The following SLC22A23 variants were observed in gnomAD, a reference collection of about 807,000 sequenced individuals.
SLC22A23 encodes solute carrier family 22 member 23, also known as ion transporter protein.
Under a neutral mutation model 61.0 loss-of-function variants are expected in SLC22A23, and 26 were observed. The observed-to-expected ratio is 0.43, with a 90% CI of 0.31 to 0.59. The LOEUF is 0.59. SLC22A23 is among the 20% of genes least tolerant of loss of function. The pLI is 0.11. For synonymous variants in SLC22A23, 430 were observed against 413.9 expected (o/e 1.04, Z -0.47); for missense variants, 796 against 934.7 (o/e 0.85, Z 1.94).
intron 4 of SLC22A23, among the ~76,000 whole-genome samples, chr6:3,305,044 C>A (rs189872741): frequency 2.3e-4 from 35 of 152,204 alleles, no homozygotes; most frequent in African/African-American, 8.4e-4. Flanking sequence ...AGCTACATGA[C>A]CATCTCCACT....
intron 3 of SLC22A23, among the ~76,000 whole-genome samples, chr6:3,384,109 A>G (rs926228030): frequency 2.0e-5 from 3 of 152,258 alleles, no homozygotes; most frequent in African/African-American, 7.2e-5. Context: ...TCATTATCAT[A>G]GCAGATGCTT....
chr6:3,368,399 G>A (rs1334828119), intron 3 of SLC22A23, among the ~76,000 whole-genome samples: 1 of 152,202 alleles, frequency 6.6e-6, no homozygotes, highest in Admixed American at 6.5e-5. Context: ...GAAACTCTAT[G>A]CATGTGTGCA....
At chr6:3,411,951 C>T (rs1233423583) in intron 2 of SLC22A23, among the ~76,000 whole-genome samples, 1 of 152,196 alleles carries the variant, frequency 6.6e-6, no homozygotes, top group African/African-American at 2.4e-5. Flanking sequence ...TTTAGTCATT[C>T]TCCTAAAATG....
At chr6:3,368,815 C>T (rs566685576) in intron 3 of SLC22A23, among the ~76,000 whole-genome samples, 7 of 152,228 alleles carry the variant, frequency 4.6e-5, no homozygotes, top group East Asian at 3.9e-4. Flanking sequence ...CAGGCAGCGG[C>T]GTCCTCTTTC....
chr6:3,321,194 C>T (rs1762926811), intron 4 of SLC22A23, among the ~76,000 whole-genome samples: 1 of 152,218 alleles, frequency 6.6e-6, no homozygotes, highest in African/African-American at 2.4e-5. Context: ...AAAACAACCC[C>T]ATGAAATAAG....
At chr6:3,299,158 G>A (rs1270045784) in intron 4 of SLC22A23, among the ~76,000 whole-genome samples, 2 of 152,202 alleles carry the variant, frequency 1.3e-5, no homozygotes, top group Non-Finnish European at 2.9e-5. Flanking sequence ...TTTAACAAAT[G>A]TAACAGAGTA....
At chr6:3,287,447 C>T (rs4613858) in intron 6 of SLC22A23, among the ~76,000 whole-genome samples, 97,927 of 151,940 alleles carry the variant, frequency 0.64, 37,712 homozygotes, top group Non-Finnish European at 0.86. Flanking sequence ...AACCCAGGGC[C>T]GCAATCCAAC....
At chr6:3,284,848 G>C in intron 8 of SLC22A23, 4 of 1,487,572 alleles carry the variant, frequency 2.7e-6, no homozygotes, top group Admixed American at 2.0e-5. Flanking sequence ...GGGGGCATGC[G>C]TGCCAAGCAG....
intron 1 of SLC22A23, among the ~76,000 whole-genome samples, chr6:3,447,338 G>T (rs1413602072): frequency 6.6e-6 from 1 of 152,128 alleles, no homozygotes; most frequent in East Asian, 1.9e-4. Context: ...AGTCTGTCTA[G>T]GTCAGGGTTT....
chr6:3,339,175 C>T (rs959884062), intron 3 of SLC22A23, among the ~76,000 whole-genome samples: 4 of 152,174 alleles, frequency 2.6e-5, no homozygotes, highest in African/African-American at 4.8e-5. Context: ...ATCAGGATTT[C>T]GTATCCTTTA....
rs116369084 is a variant in SLC22A23, at chr6:3,323,118, C to T, written c.1082+716G>A. The stretch of plus-strand genomic sequence containing the variant: ...TTACCAGTGTGTTTAGTGTTCCCCC[C>T]GTACTGCCGGCAAAGCTAGCAGGTC... On this transcript the variant is annotated intron_variant, in intron 4 of 9. Transcript: ENST00000406686. The T allele has an allele frequency of 4.7e-3, 1,840 of 392,742 alleles. 38 individuals carry two copies. The highest frequency in any genetic ancestry group is 0.034 in the African/African-American group (1,641 of 48,166). 24.3% of individuals were successfully genotyped at this position (392,742 alleles called of 1,614,324 possible). A position where few individuals can be genotyped will look rare whatever the true frequency, so the allele number is the denominator to read the frequency against.
intron 3 of SLC22A23, among the ~76,000 whole-genome samples, chr6:3,353,878 C>G (rs532974580): frequency 6.6e-6 from 1 of 152,318 alleles, no homozygotes; most frequent in African/African-American, 2.4e-5. Context: ...CAGAGCATGA[C>G]AGCATCGAGG....
At chr6:3,441,427 C>A (rs1771588637) in intron 1 of SLC22A23, among the ~76,000 whole-genome samples, 2 of 152,170 alleles carry the variant, frequency 1.3e-5, no homozygotes, top group African/African-American at 4.8e-5. Context: ...GGGGGCCTTG[C>A]AGGGTCAGGA....
At chr6:3,325,909 A>G (rs1050179138) in intron 3 of SLC22A23, among the ~76,000 whole-genome samples, 1 of 152,262 alleles carries the variant, frequency 6.6e-6, no homozygotes, top group African/African-American at 2.4e-5. Context: ...GCGTCGTATC[A>G]GTGGTTTGCT....
chr6:3,320,366 T>C (rs1762877001), intron 4 of SLC22A23, among the ~76,000 whole-genome samples: 2 of 152,160 alleles, frequency 1.3e-5, no homozygotes, highest in Admixed American at 6.5e-5. Flanking sequence ...TTACTGCCCC[T>C]ACCCCAAGAA....
At chr6:3,314,499 G>T (rs536001993) in intron 4 of SLC22A23, among the ~76,000 whole-genome samples, 2 of 152,144 alleles carry the variant, frequency 1.3e-5, no homozygotes, top group Non-Finnish European at 2.9e-5. Flanking sequence ...TACCTCACAG[G>T]GTCTTCAGGA....
At chr6:3,420,185 T>A (rs1479930484) in intron 1 of SLC22A23, among the ~76,000 whole-genome samples, 1 of 150,524 alleles carries the variant, frequency 6.6e-6, no homozygotes, top group Non-Finnish European at 1.5e-5. Flanking sequence ...CTCCAGAGTG[T>A]GTCTACATTT....
intron 2 of SLC22A23, among the ~76,000 whole-genome samples, chr6:3,413,546 C>T (rs1026642161): frequency 1.3e-5 from 2 of 152,268 alleles, no homozygotes; most frequent in African/African-American, 2.4e-5. Context: ...TCGGCCCTCC[C>T]ACCCACCTGA....
At position 3,414,657 on chromosome 6, in the gene SLC22A23, T is replaced by C. The variant is rs1769539031; in HGVS notation, c.758+1095A>G. Among the ~76,000 whole-genome samples the C allele has an allele frequency of 7.0e-6, 1 of 142,162 alleles. No individual in the cohort carries two copies. Among genetic ancestry groups the C allele is most frequent in the Non-Finnish European group, 1.5e-5 (1 of 67,006 alleles). 93.3% of individuals were successfully genotyped at this position (142,162 alleles called of 152,430 possible). A position where few individuals can be genotyped will look rare whatever the true frequency, so the allele number is the denominator to read the frequency against. ...ACTGAGGTGCAGAGGTCACAGAACC[T>C]ATAGAATTTGTTCCATATCACTCTG... On this transcript the variant is annotated intron_variant, in intron 2 of 9. Transcript: ENST00000406686. This position sits in a 1 kb window ranked among gnomAD's most constrained non-coding sequence, Gnocchi z 5.1.
Sources: allele counts gnomAD v4.1 joint callset (sites outside exome capture counted in the v4.1 genomes callset), GRCh38; gene constraint gnomAD v4.1.1; non-coding constraint Gnocchi (gnomAD v3.1); transcripts MANE v1.5; gene names NCBI Gene and HGNC (gene_info 2026-07-23, HGNC 2026-07-21).